Variants in FGGY observed in about 807,000 individuals in gnomAD.
FGGY encodes FGGY carbohydrate kinase domain containing.
A neutral mutation model predicts 71.3 loss-of-function variants in FGGY; 72 were observed. The ratio of observed to expected loss-of-function variants is 1.01; its 90% CI spans 0.84 to 1.23. The LOEUF (loss-of-function observed/expected upper bound fraction) is 1.23. Among genes scored for constraint, FGGY ranks in the 50% most tolerant of loss-of-function variants. FGGY has a pLI of 0.00. For missense variants in FGGY, 668 were observed against 682.3 expected (o/e 0.98, Z 0.23); for synonymous variants, 251 against 250.3 (o/e 1.00, Z -0.02).
intron 5 of FGGY, among the ~76,000 whole-genome samples, chr1:59,384,100 G>C (rs1482737126): frequency 1.3e-5 from 2 of 152,168 alleles, no homozygotes; most frequent in South Asian, 4.1e-4. Flanking sequence ...CTCAAACCTT[G>C]AGGAAGCAGA....
chr1:59,620,752 T>G (rs926074149), intron 9 of FGGY, among the ~76,000 whole-genome samples: 12 of 152,092 alleles, frequency 7.9e-5, no homozygotes, highest in African/African-American at 2.4e-5. Flanking sequence ...TGAATGCATA[T>G]TATGATACTT....
At position 59,591,108 on chromosome 1, in the gene FGGY, A is replaced by G. The variant is rs532237106; in HGVS notation, c.904-16695A>G. On this transcript the variant is annotated intron_variant, in intron 8 of 15. Transcript: ENST00000303721. ...CAGCAAAGTCTCAGGATACAAAATC[A>G]ATGTGCAAAAATCACAAGCATTCTT... is the stretch of plus-strand genomic sequence containing the variant. 3.9e-5 allele frequency among the ~76,000 whole-genome samples: 6 copies of G among 152,284 alleles called. No individual in the cohort carries two copies. In the East Asian group the frequency reaches 7.7e-4, roughly 20 times the overall value.
intron 8 of FGGY, among the ~76,000 whole-genome samples, chr1:59,584,907 C>A (rs907838447): frequency 4.3e-5 from 6 of 138,928 alleles, no homozygotes; most frequent in South Asian, 2.3e-4. Flanking sequence ...CTTGAGTGAA[C>A]TCCCATTCAC....
At chr1:59,346,866 G>A (rs957432974) in intron 4 of FGGY, among the ~76,000 whole-genome samples, 13 of 150,570 alleles carry the variant, frequency 8.6e-5, no homozygotes, top group Non-Finnish European at 1.5e-4. Flanking sequence ...GGCTGATTTC[G>A]AACTCCTGGC....
At chr1:59,671,034 T>C (rs2153975826) in intron 13 of FGGY, among the ~76,000 whole-genome samples, 1 of 152,352 alleles carries the variant, frequency 6.6e-6, no homozygotes, top group East Asian at 1.9e-4. Context: ...TTATTTGTTC[T>C]TTCATTTATT....
Position 59,581,919 on chromosome 1 carries a change from A to G in FGGY, c.904-25884A>G, listed in dbSNP as rs543535648. ...GTTTAGCTATCAACTCTGTAATAAC[A>G]TGAAAAATATTTATTTAGCTGTGAT... is the stretch of plus-strand genomic sequence containing the variant. On this transcript the variant is annotated intron_variant, in intron 8 of 15. Transcript: ENST00000303721. 1.1e-3 allele frequency among the ~76,000 whole-genome samples: 163 copies of G among 150,016 alleles called. 4 individuals are homozygous for G. Among genetic ancestry groups the G allele is most frequent in the East Asian group, 2.7e-3 (14 of 5,154 alleles).
intron 5 of FGGY, among the ~76,000 whole-genome samples, chr1:59,392,519 A>T (rs1243816998): frequency 2.0e-5 from 3 of 152,088 alleles, no homozygotes; most frequent in Admixed American, 6.5e-5. Context: ...CCCAGGCCCA[A>T]AGTTCTGAGT....
chr1:59,538,165 C>A (rs1040843038), intron 7 of FGGY, among the ~76,000 whole-genome samples: 29 of 151,984 alleles, frequency 1.9e-4, no homozygotes, highest in African/African-American at 7.0e-4. Flanking sequence ...AAAACAACCC[C>A]ATGAAAAAGT....
intron 2 of FGGY, among the ~76,000 whole-genome samples, chr1:59,336,898 A>G (rs2049655871): frequency 6.6e-6 from 1 of 151,742 alleles, no homozygotes; most frequent in African/African-American, 2.4e-5. Context: ...TAGTTGTCAG[A>G]GTATAGGTCT....
intron 6 of FGGY, among the ~76,000 whole-genome samples, chr1:59,459,187 A>T (rs961244437): frequency 6.6e-6 from 1 of 152,182 alleles, no homozygotes; most frequent in African/African-American, 2.4e-5. Context: ...TCAGCAACTG[A>T]TGGTCTTATG....
Position 59,554,214 on chromosome 1 carries a change from C to T in FGGY, c.890C>T (p.Ser297Phe). The T allele has an allele frequency of 6.2e-7, 1 of 1,613,318 alleles. No homozygotes were observed. The highest frequency in any genetic ancestry group is 8.5e-7 in the Non-Finnish European group (1 of 1,179,542). ...CTGGCTGTCATCTGTGGAACGTCTTCTTGTCACATGGGGGTGAGTCCACTG... is the reference window on the plus strand; with the variant it reads ...CTGGCTGTCATCTGTGGAACGTCTTTTTGTCACATGGGGGTGAGTCCACTG... ...SRLAVICGTSSCHMGISKDPI... is the reference protein window; with the variant it reads ...SRLAVICGTSFCHMGISKDPI... Residue 297 changes from serine (S) to phenylalanine (F), a missense_variant, in exon 8 of 16, where the codon TCT (serine) becomes TTT (phenylalanine). Physicochemically the swap from Ser to Phe is radical, Grantham distance 155. Transcript: ENST00000303721.
intron 14 of FGGY, among the ~76,000 whole-genome samples, chr1:59,756,280 C>T (rs1347325913): frequency 1.3e-5 from 2 of 152,168 alleles, no homozygotes; most frequent in Non-Finnish European, 2.9e-5. Flanking sequence ...GCTGGCTACT[C>T]TTAGCATCTC....
chr1:59,594,595 G>A (rs1427038379), intron 8 of FGGY, among the ~76,000 whole-genome samples: 1 of 152,214 alleles, frequency 6.6e-6, no homozygotes, highest in African/African-American at 2.4e-5. Context: ...TAGGCATGGA[G>A]GGGTGCTTCC....
chr1:59,376,136 A>G (rs1466611544), intron 4 of FGGY, among the ~76,000 whole-genome samples: 2 of 152,122 alleles, frequency 1.3e-5, no homozygotes, highest in Non-Finnish European at 2.9e-5. Flanking sequence ...AAAGGCTACC[A>G]TTTTCTGACT....
intron 10 of FGGY, among the ~76,000 whole-genome samples, chr1:59,629,090 T>A (rs1218607036): frequency 6.6e-6 from 1 of 151,978 alleles, no homozygotes; most frequent in East Asian, 1.9e-4. Flanking sequence ...AGGGGAGGGA[T>A]AGCATTAGGA....
chr1:59,633,372 G>C (rs562234623), intron 10 of FGGY, among the ~76,000 whole-genome samples: 1 of 152,202 alleles, frequency 6.6e-6, no homozygotes, highest in South Asian at 2.1e-4. Context: ...AGGGCATTGG[G>C]GTCTTCTCTA....
chr1:59,303,991 C>G (rs1424335283), intron 1 of FGGY, among the ~76,000 whole-genome samples: 3 of 151,834 alleles, frequency 2.0e-5, no homozygotes, highest in Non-Finnish European at 4.4e-5. Flanking sequence ...GGATTTTAAG[C>G]CCTTATTGGG....
chr1:59,630,466 T>A (rs2096898414), intron 10 of FGGY, among the ~76,000 whole-genome samples: 1 of 152,184 alleles, frequency 6.6e-6, no homozygotes, highest in Non-Finnish European at 1.5e-5. Context: ...TTGTACCTGT[T>A]CTGCCCTGAA....
At chr1:59,315,970 GT>G (rs1448819634) in intron 1 of FGGY, among the ~76,000 whole-genome samples, 1 of 152,150 alleles carries the variant, frequency 6.6e-6, no homozygotes, top group East Asian at 1.9e-4. Flanking sequence ...TTTATTGTTG[GT>G]AGAGCCCATA....
Sources: gnomAD v4.1 joint callset for allele counts (sites outside exome capture counted in the v4.1 genomes callset) on GRCh38, gnomAD v4.1.1 for gene constraint, MANE v1.5 for transcripts, NCBI Gene and HGNC (gene_info 2026-07-23, HGNC 2026-07-21) for gene names.